Variants in NRXN3 observed in about 807,000 individuals in gnomAD.
The protein encoded by NRXN3 is neurexin 3.
A neutral mutation model predicts 137.6 loss-of-function variants in NRXN3; 32 were observed. That is an observed-to-expected ratio of 0.23 (90% confidence interval 0.18 to 0.31). The LOEUF (loss-of-function observed/expected upper bound fraction) is 0.31, where lower values mean the gene tolerates loss of function less well. NRXN3 is among the 10% of genes least tolerant of loss of function. NRXN3 has a pLI of 1.00. For missense variants in NRXN3, 1,574 were observed against 2,062.5 expected (o/e 0.76, Z 4.59); for synonymous variants, 798 against 784.5 (o/e 1.02, Z -0.29).
intron 13 of NRXN3, 89 bp downstream of exon 13, chr14:78,967,487 C>A: frequency 2.2e-6 from 2 of 903,190 alleles, no homozygotes; most frequent in South Asian, 1.7e-5. Context: ...GTTCAGAGTG[C>A]CATGCATTTT....
At chr14:79,580,817 T>C (rs1364448101) in intron 16 of NRXN3, among the ~76,000 whole-genome samples, 1 of 152,164 alleles carries the variant, frequency 6.6e-6, no homozygotes, top group Non-Finnish European at 1.5e-5. Flanking sequence ...CTCTCAGTCA[T>C]TTTAGCATAT....
At chr14:79,416,879 T>A (rs1196577042) in intron 15 of NRXN3, among the ~76,000 whole-genome samples, 1 of 152,170 alleles carries the variant, frequency 6.6e-6, no homozygotes, top group Non-Finnish European at 1.5e-5. Context: ...TGAAAGGTCA[T>A]CAACCAGAAA....
chr14:79,271,022 A>G (rs1304517058), intron 15 of NRXN3, among the ~76,000 whole-genome samples: 3 of 152,206 alleles, frequency 2.0e-5, no homozygotes, highest in Non-Finnish European at 4.4e-5. Flanking sequence ...TAAATTTAAT[A>G]CTACATAGCA....
chr14:78,280,050 G>T (rs78616612), intron 3 of NRXN3, among the ~76,000 whole-genome samples: 145 of 152,322 alleles, frequency 9.5e-4, no homozygotes, highest in Non-Finnish European at 1.8e-3. Flanking sequence ...TTCCTAGGAA[G>T]ATGCCATTAA....
chr14:79,191,393 C>T (rs1024717749), intron 15 of NRXN3, among the ~76,000 whole-genome samples: 5 of 152,152 alleles, frequency 3.3e-5, no homozygotes, highest in African/African-American at 1.2e-4. Context: ...GGGAGGCATC[C>T]TTTTGAAGGT....
chr14:78,679,760 G>T (rs561701850), intron 6 of NRXN3, among the ~76,000 whole-genome samples: 1 of 152,252 alleles, frequency 6.6e-6, no homozygotes, highest in African/African-American at 2.4e-5. Flanking sequence ...AGCATTCATT[G>T]ATTAATTTAT....
At chr14:79,404,775 A>G (rs2095276849) in intron 15 of NRXN3, among the ~76,000 whole-genome samples, 3 of 152,150 alleles carry the variant, frequency 2.0e-5, no homozygotes, top group South Asian at 4.1e-4. Flanking sequence ...AAACTTGTCA[A>G]AGTTTACCGT....
chr14:78,272,570 C>T (rs1029103356), intron 2 of NRXN3, among the ~76,000 whole-genome samples: 5 of 152,192 alleles, frequency 3.3e-5, no homozygotes, highest in African/African-American at 1.2e-4. Context: ...TCCAGTTGCT[C>T]AGGCCTACGG....
chr14:79,267,012 A>G (rs1350354356), intron 15 of NRXN3, among the ~76,000 whole-genome samples: 1 of 152,240 alleles, frequency 6.6e-6, no homozygotes, highest in African/African-American at 2.4e-5. Flanking sequence ...CATATATATA[A>G]TTGAAAGTTG....
At chr14:78,935,473 A>T (rs985712483) in intron 10 of NRXN3, among the ~76,000 whole-genome samples, 56 of 152,292 alleles carry the variant, frequency 3.7e-4, no homozygotes, top group African/African-American at 1.3e-3. Flanking sequence ...TAGTATTTGC[A>T]TGTAACCTAT....
At chr14:79,262,987 TGG>T (rs1441450571) in intron 15 of NRXN3, among the ~76,000 whole-genome samples, 1 of 152,200 alleles carries the variant, frequency 6.6e-6, no homozygotes, top group Non-Finnish European at 1.5e-5. Flanking sequence ...ACTTAAAGTA[TGG>T]GTGTGTGCAT....
intron 11 of NRXN3, among the ~76,000 whole-genome samples, chr14:78,961,294 G>A (rs1001584449): frequency 7.2e-5 from 11 of 151,944 alleles, no homozygotes; most frequent in African/African-American, 2.7e-4. Flanking sequence ...TTTTGACCAG[G>A]AACCTCATGT....
intron 16 of NRXN3, among the ~76,000 whole-genome samples, chr14:79,520,934 T>A (rs1424442441): frequency 6.6e-6 from 1 of 152,192 alleles, no homozygotes; most frequent in East Asian, 1.9e-4. Context: ...CCCAAAGGAT[T>A]ATAAATTATT....
chr14:79,092,391 A>G (rs983333821), intron 15 of NRXN3, among the ~76,000 whole-genome samples: 2 of 152,218 alleles, frequency 1.3e-5, no homozygotes, highest in Non-Finnish European at 2.9e-5. Context: ...GACTATCTGC[A>G]ACCTTAGTCG....
At chr14:78,426,095 G>A (rs1287198226) in intron 4 of NRXN3, among the ~76,000 whole-genome samples, 3 of 152,212 alleles carry the variant, frequency 2.0e-5, no homozygotes, top group Non-Finnish European at 4.4e-5. Flanking sequence ...GGGCCTGTCT[G>A]CTTCTCCCCA....
chr14:79,551,051 CGGCCTTG>C (rs2097368274), intron 16 of NRXN3, among the ~76,000 whole-genome samples: 1 of 152,134 alleles, frequency 6.6e-6, no homozygotes, highest in Non-Finnish European at 1.5e-5. Flanking sequence ...TCAACTGGGT[CGGCCTTG>C]AAGAAGCCGC....
chr14:79,752,877 AAAAC>A (rs1325708254), intron 19 of NRXN3, among the ~76,000 whole-genome samples: 3 of 152,344 alleles, frequency 2.0e-5, no homozygotes, highest in African/African-American at 4.8e-5. Context: ...TACAGGAAAA[AAAAC>A]AAACAACCCC....
chr14:79,804,203 C>G (rs17174976), intron 19 of NRXN3, among the ~76,000 whole-genome samples: 7,587 of 151,978 alleles, frequency 0.05, 212 homozygotes, highest in Middle Eastern at 0.061. Context: ...ATTGAGTCTT[C>G]TTATGCACAT....
intron 15 of NRXN3, among the ~76,000 whole-genome samples, chr14:79,038,824 C>T (rs569443149): frequency 6.6e-6 from 1 of 152,226 alleles, no homozygotes; most frequent in Non-Finnish European, 1.5e-5. Context: ...GAATCCCTCG[C>T]TACCTGGCCT....
Sources: allele counts gnomAD v4.1 joint callset (sites outside exome capture counted in the v4.1 genomes callset), GRCh38; gene constraint gnomAD v4.1.1; transcripts MANE v1.5; gene names NCBI Gene and HGNC (gene_info 2026-07-23, HGNC 2026-07-21).